The following CGGBP1 variants were observed in gnomAD, a reference collection of about 807,000 sequenced individuals.
The protein encoded by CGGBP1 is CGG triplet repeat-binding protein 1.
In CGGBP1, 4 loss-of-function variants were observed where a neutral mutation model predicts 11.4. The ratio of observed to expected loss-of-function variants is 0.35; its 90% CI spans 0.17 to 0.80. The LOEUF (loss-of-function observed/expected upper bound fraction) is 0.80, where lower values mean the gene tolerates loss of function less well. Ranked by LOEUF, CGGBP1 falls within the 30% of genes least tolerant of loss-of-function variation. The probability of loss-of-function intolerance (pLI) is 0.52; values close to 1 mark genes in which losing one functional copy is unlikely to be tolerated. For synonymous variants in CGGBP1, 76 were observed against 74.1 expected, an observed-to-expected ratio of 1.03 and a Z score of -0.13; for missense variants, 135 against 202.1, an observed-to-expected ratio of 0.67 and a Z score of 2.01.
At chr3:88,140,574 A>G (rs757980594) in intron 2 of CGGBP1, 7 of 1,613,770 alleles carry the variant, frequency 4.3e-6, no homozygotes, top group Non-Finnish European at 5.9e-6. Context: ...AAATTCTGAA[A>G]ATAATTGTAG....
upstream of CGGBP1, among the ~76,000 whole-genome samples, chr3:88,060,440 G>A (rs1181843803): frequency 6.6e-6 from 1 of 152,124 alleles, no homozygotes; most frequent in Non-Finnish European, 1.5e-5. Context: ...TAAACGGTTT[G>A]TTCCCATTCA....
intron 2 of CGGBP1, among the ~76,000 whole-genome samples, chr3:88,118,186 G>A (rs973916672): frequency 3.3e-5 from 5 of 152,014 alleles, no homozygotes; most frequent in Non-Finnish European, 5.9e-5. Context: ...TATATAAGTC[G>A]CAAAGATCTT....
At chr3:88,077,878 C>T (rs1196388405) in intron 2 of CGGBP1, among the ~76,000 whole-genome samples, 3 of 152,122 alleles carry the variant, frequency 2.0e-5, no homozygotes, top group Non-Finnish European at 4.4e-5. Context: ...TCTGTATACT[C>T]TGTGTTGTAG....
chr3:88,100,025 C>G (rs1480167853), intron 2 of CGGBP1, among the ~76,000 whole-genome samples: 6 of 152,058 alleles, frequency 3.9e-5, no homozygotes, highest in African/African-American at 1.2e-4. Context: ...ACTACCATCA[C>G]AGTGAACAGG....
chr3:88,087,015 C>T (rs1187665213), intron 2 of CGGBP1, among the ~76,000 whole-genome samples: 1 of 151,968 alleles, frequency 6.6e-6, no homozygotes, highest in Non-Finnish European at 1.5e-5. Flanking sequence ...ATCTCCTGAC[C>T]TCGTGATCTG....
intron 2 of CGGBP1, among the ~76,000 whole-genome samples, chr3:88,108,473 T>TA (rs1247859062): frequency 6.6e-6 from 1 of 152,222 alleles, no homozygotes; most frequent in Non-Finnish European, 1.5e-5. Flanking sequence ...TGCGGTTTGT[T>TA]ACCCATAGTC....
chr3:88,140,129 T>A (rs1707030365), intron 2 of CGGBP1: 2 of 1,613,892 alleles, frequency 1.2e-6, no homozygotes, highest in East Asian at 4.5e-5. Flanking sequence ...GTTTGCATTT[T>A]AATTGCAACG....
intron 2 of CGGBP1, among the ~76,000 whole-genome samples, chr3:88,064,729 T>C (rs1055754939): frequency 3.9e-5 from 6 of 152,224 alleles, no homozygotes; most frequent in African/African-American, 1.4e-4. Flanking sequence ...CATTGCTTTG[T>C]CCAGTGGGTT....
rs141375104 is a variant in CGGBP1 at position 88,078,516 on chromosome 3, T to A, written c.-228-20293A>T. ...ACTGAAGAGATGCTGTTAGTTTAGA[T>A]AGGGGCAAATATTCTGTTTTCCAAA... is the stretch of plus-strand genomic sequence containing the variant. On this transcript the variant is annotated intron_variant, in intron 2 of 3. Coordinates refer to the CGGBP1 transcript ENST00000462901. Among the ~76,000 whole-genome samples, 1,413 of 152,246 alleles carry A rather than the reference T, an allele frequency of 9.3e-3. 20 individuals are homozygous for A. The highest frequency in any genetic ancestry group is 0.011 in the Non-Finnish European group (779 of 67,964).
intron 2 of CGGBP1, among the ~76,000 whole-genome samples, chr3:88,110,531 C>T (rs1208613102): frequency 6.6e-6 from 1 of 152,084 alleles, no homozygotes; most frequent in Admixed American, 6.6e-5. Context: ...CCATTCATTT[C>T]TCATGTACTA....
At chr3:88,137,827 A>G (rs1329092626) in intron 2 of CGGBP1, among the ~76,000 whole-genome samples, 1 of 152,162 alleles carries the variant, frequency 6.6e-6, no homozygotes, top group Non-Finnish European at 1.5e-5. Flanking sequence ...AGGACTAAGA[A>G]AACGTGAGGC....
At chr3:88,071,248 G>A (rs1031662499) in intron 2 of CGGBP1, among the ~76,000 whole-genome samples, 23 of 152,084 alleles carry the variant, frequency 1.5e-4, no homozygotes, top group African/African-American at 5.3e-4. Context: ...GGTGGCTCGC[G>A]GCTGTAATCC....
chr3:88,056,878 C>T (rs1706556285), intron 3 of CGGBP1: 1 of 152,090 alleles, frequency 6.6e-6, no homozygotes, highest in Non-Finnish European at 1.5e-5. Context: ...TAATTAATTT[C>T]TCAATTTATC....
upstream of CGGBP1, among the ~76,000 whole-genome samples, chr3:88,063,521 A>C (rs1419661382): frequency 6.6e-6 from 1 of 152,162 alleles, no homozygotes; most frequent in African/African-American, 2.4e-5. Flanking sequence ...CTTGGTCTTG[A>C]TATAGGATTT....
At position 88,055,256 on chromosome 3, in the gene CGGBP1, T is replaced by C. The variant is rs745748661; in HGVS notation, c.*217A>G. 9.5e-6 allele frequency: 4 copies of C among 421,236 alleles called. No individual in the cohort carries two copies. Among genetic ancestry groups the C allele is most frequent in the Non-Finnish European group, 1.7e-5 (4 of 239,880 alleles). The allele number at this position is 421,236 out of a possible 1,614,324, so 26.1% of individuals were successfully genotyped here. On this transcript the variant is annotated 3_prime_UTR_variant, in exon 4 of 4. Coordinates refer to ENST00000482016, the MANE Select transcript of CGGBP1 (RefSeq NM_001008390.2). This position sits in a 1 kb window ranked among gnomAD's most constrained non-coding sequence, Gnocchi z 4.2. ...TCAGGTTTCAGGTATCCTAGCACACTCTAAACCTAGGTTTTGCTTTATACC... is the reference window on the plus strand; with the variant it reads ...TCAGGTTTCAGGTATCCTAGCACACCCTAAACCTAGGTTTTGCTTTATACC...
intron 2 of CGGBP1, among the ~76,000 whole-genome samples, chr3:88,066,069 T>C (rs1707181518): frequency 6.6e-6 from 1 of 152,214 alleles, no homozygotes. Context: ...GATACAAGAT[T>C]ATTTTGAGTA....
At chr3:88,118,369 A>T (rs1234376614) in intron 2 of CGGBP1, among the ~76,000 whole-genome samples, 1 of 152,152 alleles carries the variant, frequency 6.6e-6, no homozygotes, top group African/African-American at 2.4e-5. Flanking sequence ...ATACCATAGG[A>T]GAAGTGGAAA....
intron 2 of CGGBP1, among the ~76,000 whole-genome samples, chr3:88,099,805 C>A (rs1004260076): frequency 6.6e-6 from 1 of 152,150 alleles, no homozygotes; most frequent in Non-Finnish European, 1.5e-5. Context: ...CTTCCTTACA[C>A]CTTATACAAA....
At chr3:88,075,718 T>C (rs1004007628) in intron 2 of CGGBP1, among the ~76,000 whole-genome samples, 1 of 152,234 alleles carries the variant, frequency 6.6e-6, no homozygotes, top group African/African-American at 2.4e-5. Flanking sequence ...TTGTTTACAT[T>C]TGAGCCTGTT....
Sources: gnomAD v4.1 joint callset for allele counts (sites outside exome capture counted in the v4.1 genomes callset) on GRCh38, gnomAD v4.1.1 for gene constraint, Gnocchi (gnomAD v3.1) non-coding constraint, MANE v1.5 for transcripts, NCBI Gene and HGNC (gene_info 2026-07-23, HGNC 2026-07-21) for gene names.